AFF3: variants seen among roughly 807,000 people sequenced by gnomAD.
AFF3 encodes ALF transcription elongation factor 3.
A neutral mutation model predicts 129.7 loss-of-function variants in AFF3; 32 were observed. That is an observed-to-expected ratio of 0.25 (90% CI 0.19 to 0.33). The LOEUF is 0.33. Ranked by LOEUF, AFF3 falls within the 10% of genes least tolerant of loss-of-function variation. The probability of loss-of-function intolerance (pLI) is 1.00; values close to 1 mark genes in which losing one functional copy is unlikely to be tolerated. For synonymous variants in AFF3, 644 were observed against 635.4 expected (o/e 1.01, Z -0.20); for missense variants, 1,373 against 1,592.0 (o/e 0.86, Z 2.34).
intron 8 of AFF3, among the ~76,000 whole-genome samples, chr2:99,771,468 T>A (rs1404039340): frequency 6.6e-6 from 1 of 150,522 alleles, no homozygotes; most frequent in Non-Finnish European, 1.5e-5. Context: ...AGGGAAGATG[T>A]CTCAGCCCTG....
intron 24 of AFF3, among the ~76,000 whole-genome samples, chr2:99,552,315 G>C (rs929418962): frequency 2.6e-5 from 4 of 152,254 alleles, no homozygotes; most frequent in South Asian, 4.2e-4. Flanking sequence ...GCTTGAACCC[G>C]GGAGGAGGAG....
At chr2:99,648,247 T>C (rs531700475) in intron 13 of AFF3, among the ~76,000 whole-genome samples, 1 of 152,218 alleles carries the variant, frequency 6.6e-6, no homozygotes, top group African/African-American at 2.4e-5. Flanking sequence ...TAATCTATTT[T>C]TACAACATCA....
At chr2:99,960,836 A>G (rs537659390) in intron 7 of AFF3, among the ~76,000 whole-genome samples, 204 of 152,252 alleles carry the variant, frequency 1.3e-3, no homozygotes, top group Admixed American at 2.4e-3. Flanking sequence ...GGACTCCTAG[A>G]GCACTGTGAT....
rs985988945 is a variant in AFF3, at chr2:100,072,236, C to T, written c.53+32166G>A. ...TGAGCTCCACCTCCTGTCAGATCAC[C>T]GGCGGCATTAGATTCTCATAGGAGA... On this transcript the variant is annotated intron_variant, in intron 4 of 24. Coordinates refer to ENST00000672756, the MANE Select transcript of AFF3 (RefSeq NM_001386135.1). Among the ~76,000 whole-genome samples the T allele has an allele frequency of 1.9e-4, 29 of 152,092 alleles. 1 individual carries two copies. Among genetic ancestry groups the T allele is most frequent in the Admixed American group, 1.6e-3 (25 of 15,260 alleles).
At chr2:99,804,323 AT>A (rs1429296881) in intron 8 of AFF3, among the ~76,000 whole-genome samples, 1 of 152,340 alleles carries the variant, frequency 6.6e-6, no homozygotes, top group East Asian at 1.9e-4. Context: ...TGGCCAAAAA[AT>A]ATATGAAAAA....
chr2:99,983,107 CGT>C (rs1491318134), intron 7 of AFF3, among the ~76,000 whole-genome samples: 1 of 152,148 alleles, frequency 6.6e-6, no homozygotes, highest in African/African-American at 2.4e-5. Flanking sequence ...GGAACTCAAG[CGT>C]AAGAGATTAG....
chr2:99,913,187 A>G (rs1036870205), intron 7 of AFF3, among the ~76,000 whole-genome samples: 4 of 152,220 alleles, frequency 2.6e-5, no homozygotes, highest in Non-Finnish European at 4.4e-5. Context: ...ACAACAGGAA[A>G]CTTTATATAA....
chr2:99,590,246 C>G (rs914444378), intron 15 of AFF3, among the ~76,000 whole-genome samples: 2 of 152,224 alleles, frequency 1.3e-5, no homozygotes, highest in African/African-American at 4.8e-5. Context: ...GCAATAGTCC[C>G]TGGACTAAGA....
At chr2:99,937,317 G>C (rs1674607115) in intron 7 of AFF3, among the ~76,000 whole-genome samples, 3 of 152,176 alleles carry the variant, frequency 2.0e-5, no homozygotes, top group Non-Finnish European at 4.4e-5. Context: ...TGAGAGAGAA[G>C]GGAAAAGGTC....
chr2:99,866,919 T>G (rs1238169748), intron 7 of AFF3, among the ~76,000 whole-genome samples: 1 of 149,328 alleles, frequency 6.7e-6, no homozygotes, highest in African/African-American at 2.5e-5. Context: ...GAGGTTGCAG[T>G]GAGCTGAGAT....
intron 7 of AFF3, among the ~76,000 whole-genome samples, chr2:99,898,995 A>T (rs774449447): frequency 6.6e-6 from 1 of 152,050 alleles, no homozygotes; most frequent in Non-Finnish European, 1.5e-5. Flanking sequence ...GCTTATGCTA[A>T]TCTCACCTTC....
At chr2:99,766,790 CAAAT>C (rs1476114107) in intron 8 of AFF3, among the ~76,000 whole-genome samples, 44 of 151,876 alleles carry the variant, frequency 2.9e-4, no homozygotes, top group Non-Finnish European at 4.4e-5. Context: ...TGGGAGCAAA[CAAAT>C]AAAGATAAAA....
At chr2:99,592,969 C>T (rs1678864574) in intron 15 of AFF3, among the ~76,000 whole-genome samples, 1 of 125,790 alleles carries the variant, frequency 7.9e-6, no homozygotes, top group Admixed American at 1.0e-4. Flanking sequence ...AATGGTACTT[C>T]CCTCACTGAG....
At chr2:99,903,955 T>C (rs1443787839) in intron 7 of AFF3, among the ~76,000 whole-genome samples, 2 of 152,180 alleles carry the variant, frequency 1.3e-5, no homozygotes, top group African/African-American at 4.8e-5. Flanking sequence ...TTTAATAACA[T>C]CTCATTCCTG....
intron 8 of AFF3, among the ~76,000 whole-genome samples, chr2:99,800,499 T>A (rs1226368527): frequency 6.6e-6 from 1 of 152,212 alleles, no homozygotes; most frequent in African/African-American, 2.4e-5. Flanking sequence ...GAGAACAGTT[T>A]AGTGGGTTTT....
intron 7 of AFF3, among the ~76,000 whole-genome samples, chr2:99,880,978 G>A (rs1389778732): frequency 1.3e-5 from 2 of 152,114 alleles, no homozygotes; most frequent in African/African-American, 2.4e-5. Context: ...CTTACTTCAC[G>A]GAGGAAGCAG....
At chr2:99,893,683 G>C (rs1272679574) in intron 7 of AFF3, among the ~76,000 whole-genome samples, 2 of 152,114 alleles carry the variant, frequency 1.3e-5, no homozygotes, top group African/African-American at 4.8e-5. Flanking sequence ...ATTTTGTTAC[G>C]GCAGCCCAAT....
intron 4 of AFF3, among the ~76,000 whole-genome samples, chr2:100,047,820 G>T (rs1309323903): frequency 6.6e-6 from 1 of 152,114 alleles, no homozygotes; most frequent in East Asian, 1.9e-4. Context: ...ATTAACTAGT[G>T]CCATAAAAGA....
At chr2:99,746,361 T>C (rs946041693) in intron 9 of AFF3, among the ~76,000 whole-genome samples, 1 of 152,168 alleles carries the variant, frequency 6.6e-6, no homozygotes, top group African/African-American at 2.4e-5. Context: ...GTGACTTGTG[T>C]TATATTCAAA....
Sources: gnomAD v4.1 joint callset for allele counts (sites outside exome capture counted in the v4.1 genomes callset) on GRCh38, gnomAD v4.1.1 for gene constraint, MANE v1.5 for transcripts, NCBI Gene and HGNC (gene_info 2026-07-23, HGNC 2026-07-21) for gene names.